Variants in KIF13B observed in about 807,000 individuals in gnomAD.
The protein encoded by KIF13B is kinesin family member 13B.
KIF13B carries 127 observed loss-of-function variants against 222.0 expected under a neutral mutation model. That is an observed-to-expected ratio of 0.57 (90% CI 0.50 to 0.66). The LOEUF (loss-of-function observed/expected upper bound fraction) is 0.66. Among genes scored for constraint, KIF13B ranks in the 30% least tolerant of loss-of-function variants. The pLI is 0.00. For synonymous variants in KIF13B, 976 were observed against 919.0 expected (o/e 1.06, Z -1.12); for missense variants, 2,173 against 2,379.0 (o/e 0.91, Z 1.80).
chr8:29,077,531 G>A (rs1807621351), intron 37 of KIF13B, among the ~76,000 whole-genome samples: 2 of 152,174 alleles, frequency 1.3e-5, no homozygotes, highest in African/African-American at 4.8e-5. Flanking sequence ...GACAAGATTG[G>A]GGAACAACTG....
chr8:29,201,885 C>T (rs920950600), intron 2 of KIF13B, among the ~76,000 whole-genome samples: 6 of 152,176 alleles, frequency 3.9e-5, no homozygotes, highest in South Asian at 2.1e-4. Flanking sequence ...ACTTTCCATA[C>T]ATGGAATGAA....
In KIF13B at chr8:29,110,009, G is replaced by A. The variant is rs1433029018; in HGVS notation, c.3992C>T (p.Pro1331Leu). 1 of 1,601,746 alleles carries A rather than the reference G, an allele frequency of 6.2e-7. No homozygotes were observed. Among genetic ancestry groups the A allele is most frequent in the Non-Finnish European group, 8.5e-7 (1 of 1,174,186 alleles). The change falls in exon 33 of 40, where the codon CCA becomes CTA. Residue 1331 changes from proline to leucine, a missense_variant. Pro to Leu is a moderately conservative substitution (Grantham distance 98). This residue lies in a region of KIF13B where 1,480 missense variants were observed against 1,722.8 expected (regional missense o/e 0.86). Coordinates refer to ENST00000524189, the MANE Select transcript of KIF13B (RefSeq NM_015254.4). ...LARMAANVENPASADSEAYIE... is the reference protein window; with the variant it reads ...LARMAANVENLASADSEAYIE... ...ATAAGCCTCCGAGTCAGCAGAAGCT[G>A]GGTTTTCAACATTGGCTGCCATTCT...
chr8:29,238,203 T>A (rs898939518), intron 2 of KIF13B, among the ~76,000 whole-genome samples: 15 of 152,246 alleles, frequency 9.9e-5, no homozygotes, highest in Non-Finnish European at 1.8e-4. Context: ...AGTCATTATC[T>A]AATATGACCT....
At chr8:29,152,963 T>C (rs903542540) in intron 14 of KIF13B, among the ~76,000 whole-genome samples, 2 of 152,340 alleles carry the variant, frequency 1.3e-5, no homozygotes. Context: ...CTAACTTATA[T>C]ATGCACTGGG....
At chr8:29,168,504 A>C (rs902270809) in intron 10 of KIF13B, among the ~76,000 whole-genome samples, 1 of 152,232 alleles carries the variant, frequency 6.6e-6, no homozygotes, top group Non-Finnish European at 1.5e-5. Flanking sequence ...CAAGGAATGA[A>C]AGTGATGGCA....
At chr8:29,249,847 A>C in intron 1 of KIF13B, 1 of 348,066 alleles carries the variant, frequency 2.9e-6, no homozygotes, top group Middle Eastern at 4.3e-4. Flanking sequence ...CAAAAAAGGC[A>C]AATCTGTTCT....
rs1811073421 is a variant in KIF13B, at chr8:29,146,633, A to C, written c.2025-93T>G. On this transcript the variant is annotated intron_variant, in intron 17 of 39. Transcript: ENST00000524189. ...ATACAGTGGTAGTACATCATTGCCA[A>C]AGTGTGAATTGAGCTTTTTCCGTGG... The C allele has an allele frequency of 4.3e-6, 5 of 1,160,296 alleles. No homozygotes were observed. In the Admixed American group the frequency reaches 1.1e-4, roughly 26 times the overall value. 71.9% of individuals were successfully genotyped at this position (1,160,296 alleles called of 1,614,324 possible).
chr8:29,072,716 C>T (rs1043373259), intron 38 of KIF13B, among the ~76,000 whole-genome samples: 3 of 152,142 alleles, frequency 2.0e-5, no homozygotes, highest in Non-Finnish European at 4.4e-5. Flanking sequence ...GCCCCATCTA[C>T]TTTTTACCTT....
rs1285463767 is a variant in KIF13B, at chr8:29,238,616, T to C, written c.149+6730A>G. Reference sequence around the variant, plus strand: ...TGTCTATTGTTCATTAGGTTAAACATGACACATGGGGGATGGAGAGGGCAG... The same window carrying C: ...TGTCTATTGTTCATTAGGTTAAACACGACACATGGGGGATGGAGAGGGCAG... On this transcript the variant is annotated intron_variant, in intron 2 of 39. Transcript: ENST00000524189. Among the ~76,000 whole-genome samples the C allele has an allele frequency of 2.0e-5, 3 of 152,292 alleles. No individual in the cohort carries two copies. The East Asian group carries it at 5.8e-4, about 29-fold the overall frequency.
intron 2 of KIF13B, among the ~76,000 whole-genome samples, chr8:29,215,440 C>G (rs117773552): frequency 4.1e-3 from 630 of 152,290 alleles, no homozygotes; most frequent in East Asian, 0.026. Context: ...ATAATGCCAG[C>G]ACTTTAGGAG....
chr8:29,255,622 C>G (rs966634093), intron 1 of KIF13B, among the ~76,000 whole-genome samples: 4 of 152,138 alleles, frequency 2.6e-5, no homozygotes, highest in Non-Finnish European at 5.9e-5. Flanking sequence ...GAACCCTCCC[C>G]TTCTACCTGG....
chr8:29,140,826 T>C (rs775208432), intron 19 of KIF13B: 2 of 478,424 alleles, frequency 4.2e-6, no homozygotes, highest in Non-Finnish European at 7.4e-6. Flanking sequence ...CCATTCACAA[T>C]GGAGGTGAGC....
At chr8:29,260,155 C>G (rs1380932822) in intron 1 of KIF13B, among the ~76,000 whole-genome samples, 1 of 152,132 alleles carries the variant, frequency 6.6e-6, no homozygotes, top group Non-Finnish European at 1.5e-5. Context: ...GTTCCCAAAC[C>G]CACATACAGT....
intron 2 of KIF13B, among the ~76,000 whole-genome samples, chr8:29,240,129 C>T (rs1209585984): frequency 3.3e-5 from 5 of 150,098 alleles, no homozygotes; most frequent in Non-Finnish European, 7.4e-5. Flanking sequence ...TTTTCAGCTC[C>T]TTTTAACATT....
Position 29,142,320 on chromosome 8 carries a change from A to G in KIF13B, c.2188-17T>C, listed in dbSNP as rs575036614. 6.4e-5 allele frequency: 103 copies of G among 1,602,922 alleles called. 1 individual carries two copies. The African/African-American group carries it at 9.6e-4, about 15-fold the overall frequency. On this transcript the variant is annotated splice_polypyrimidine_tract_variant and intron_variant, in intron 18 of 39. Transcript: ENST00000524189. ...AGAGCCTCGCTGCAAAGAGAGTAAG[A>G]ATGACCGTGAGAAACACACAGGCAG...
At chr8:29,253,978 T>C (rs996379830) in intron 1 of KIF13B, among the ~76,000 whole-genome samples, 2 of 152,088 alleles carry the variant, frequency 1.3e-5, no homozygotes, top group Admixed American at 1.3e-4. Context: ...GTGTGGTACT[T>C]ACATAAGGAA....
chr8:29,123,253 T>G lies in KIF13B; in HGVS notation c.3479+113A>C, dbSNP rs190415301. On this transcript the variant is annotated intron_variant, in intron 28 of 39. Transcript: ENST00000524189. Reference sequence around the variant, plus strand: ...ACAGTTCCTTTAATTTAAACAACATTTCCCCCCATGCTATTGACTCTTCCA... The same window carrying G: ...ACAGTTCCTTTAATTTAAACAACATGTCCCCCCATGCTATTGACTCTTCCA... The G allele has an allele frequency of 2.8e-4, 326 of 1,173,758 alleles. No homozygotes were observed. In the African/African-American group the frequency reaches 4.5e-3, roughly 16 times the overall value. The allele number at this position is 1,173,758 out of a possible 1,614,324, so 72.7% of individuals were successfully genotyped here.
At chr8:29,186,612 G>C in intron 5 of KIF13B, 140 bp from the exon 6 acceptor site, 2 of 622,074 alleles carry the variant, frequency 3.2e-6, no homozygotes, top group Non-Finnish European at 5.4e-6. Context: ...AGAATAATAA[G>C]TACAGAAGCT....
chr8:29,097,229 AC>A (rs1398419870), intron 36 of KIF13B, among the ~76,000 whole-genome samples: 2 of 152,106 alleles, frequency 1.3e-5, no homozygotes, highest in Non-Finnish European at 2.9e-5. Flanking sequence ...GACAAAAGGG[AC>A]ATTTCATGAT....
Sources: gnomAD v4.1 joint callset for allele counts (sites outside exome capture counted in the v4.1 genomes callset) on GRCh38, gnomAD v4.1.1 for gene constraint, gnomAD v4.1.1 regional missense constraint, MANE v1.5 for transcripts, NCBI Gene and HGNC (gene_info 2026-07-23, HGNC 2026-07-21) for gene names.